MCF2L: variants seen among roughly 807,000 people sequenced by gnomAD.
MCF2L encodes the protein MCF.2 cell line derived transforming sequence like.
In MCF2L, 97 loss-of-function variants were observed where a neutral mutation model predicts 153.4. That is an observed-to-expected ratio of 0.63 (90% CI 0.54 to 0.75). The LOEUF is 0.75. Among genes scored for constraint, MCF2L ranks in the 30% least tolerant of loss-of-function variants. The pLI is 0.00. For missense variants in MCF2L, 1,347 were observed against 1,495.2 expected, an observed-to-expected ratio of 0.90 and a Z score of 1.64; for synonymous variants, 659 against 632.2, an observed-to-expected ratio of 1.04 and a Z score of -0.64.
chr13:113,094,872 TG>T, intron 27 of MCF2L: 1 of 1,119,332 alleles, frequency 8.9e-7, no homozygotes, highest in African/African-American at 1.6e-5. Flanking sequence ...TAACTCTCTC[TG>T]GAAGGTCCAC....
upstream of MCF2L, chr13:112,964,754 GA>G (rs1428060790): frequency 6.6e-6 from 1 of 152,164 alleles, no homozygotes; most frequent in African/African-American, 2.4e-5. Context: ...ACGTTTAAGT[GA>G]AAAATTTGTT....
chr13:112,969,565 C>T lies in MCF2L; in HGVS notation c.79+107C>T, dbSNP rs1191179845. On this transcript the variant is annotated intron_variant, in intron 1 of 29. Transcript: ENST00000535094. This position sits in a 1 kb window ranked among gnomAD's most constrained non-coding sequence, Gnocchi z 4.8. Reference sequence around the variant, plus strand: ...TTGTAAGCCGCCCTCGTGTTCCTTTCTAGCCGTGGTAGCTGTGACATGGGG... The same window carrying T: ...TTGTAAGCCGCCCTCGTGTTCCTTTTTAGCCGTGGTAGCTGTGACATGGGG... 4.0e-6 allele frequency: 6 copies of T among 1,510,190 alleles called. No individual in the cohort carries two copies. The Admixed American group carries it at 6.1e-5, about 15-fold the overall frequency. The allele number at this position is 1,510,190 out of a possible 1,614,324, so 93.5% of individuals were successfully genotyped here.
At position 112,995,181 on chromosome 13, in the gene MCF2L, G is replaced by A. The variant is rs186210445; in HGVS notation, c.80-19582G>A. On this transcript the variant is annotated intron_variant, in intron 1 of 29. Coordinates refer to ENST00000535094, the MANE Select transcript of MCF2L (RefSeq NM_001112732.3). Reference sequence around the variant, plus strand: ...TGTGCCCGTGCCCCGGGCTCCCCTCGTTTTACAGACTCGCTCACGGAGGCT... The same window carrying A: ...TGTGCCCGTGCCCCGGGCTCCCCTCATTTTACAGACTCGCTCACGGAGGCT... Among the ~76,000 whole-genome samples, 3 of 152,340 alleles carry A rather than the reference G, an allele frequency of 2.0e-5. No homozygotes were observed. In the East Asian group the frequency reaches 5.8e-4, roughly 29 times the overall value.
At chr13:112,922,530 TAAAAA>T (rs767874814) in intron 2 of MCF2L, among the ~76,000 whole-genome samples, 27 of 137,266 alleles carry the variant, frequency 2.0e-4, no homozygotes, top group Admixed American at 1.7e-3. Flanking sequence ...TCACAACACA[TAAAAA>T]AAAAAAAAAC....
Position 112,932,088 on chromosome 13 carries a change from C to T in MCF2L, c.169+29717C>T, listed in dbSNP as rs1032018877. ...CCCTACTTCCTGAGTGTGGGATGTG[C>T]GCAGCTATGTGGTTCCGAAGAGTTC... On this transcript the variant is annotated intron_variant, in intron 2 of 29. Transcript: ENST00000375608. The surrounding 1 kb of genome is among the most constrained non-coding windows in gnomAD (Gnocchi z 4.6). Among the ~76,000 whole-genome samples the T allele has an allele frequency of 6.6e-6, 1 of 152,096 alleles. No homozygotes were observed. The highest frequency in any genetic ancestry group is 1.5e-5 in the Non-Finnish European group (1 of 68,010).
rs59405248 is a variant in MCF2L at position 112,917,866 on chromosome 13, T to C, written c.169+15495T>C. On this transcript the variant is annotated intron_variant, in intron 2 of 29. Coordinates refer to the MCF2L transcript ENST00000375608. ...GCTGGCTTCTAGACCCTCTGGACTC[T>C]GACCTAGCCTCACCTGCCCACCCCC... Among the ~76,000 whole-genome samples, 793 of 152,326 alleles carry C rather than the reference T, an allele frequency of 5.2e-3. 7 individuals are homozygous for C. Among genetic ancestry groups the C allele is most frequent in the African/African-American group, 0.018 (731 of 41,558 alleles).
intron 1 of MCF2L, among the ~76,000 whole-genome samples, chr13:112,992,055 C>T (rs1198722052): frequency 6.6e-6 from 1 of 152,222 alleles, no homozygotes; most frequent in Non-Finnish European, 1.5e-5. Flanking sequence ...CATGACATCA[C>T]AGGTGGAAAA....
intron 17 of MCF2L, 92 bp downstream of exon 17, chr13:113,082,634 G>A (rs964462737): frequency 4.2e-6 from 4 of 951,256 alleles, no homozygotes; most frequent in Non-Finnish European, 6.6e-6. Flanking sequence ...GTGGAGGCCA[G>A]GCCATGCCTG....
chr13:112,968,295 T>TATTA (rs2081931907), upstream of MCF2L: 1 of 442,600 alleles, frequency 2.3e-6, no homozygotes, highest in Admixed American at 6.4e-5. Flanking sequence ...TTACCTATAA[T>TATTA]ACCAAACCAC....
chr13:112,927,922 A>G (rs566988674), intron 2 of MCF2L, among the ~76,000 whole-genome samples: 1 of 152,370 alleles, frequency 6.6e-6, no homozygotes, highest in African/African-American at 2.4e-5. Flanking sequence ...AATAGCAGCC[A>G]ATTGCAGGCT....
chr13:112,894,600 C>T (rs1239238872), intron 1 of MCF2L, among the ~76,000 whole-genome samples: 1 of 152,074 alleles, frequency 6.6e-6, no homozygotes, highest in Admixed American at 6.5e-5. Flanking sequence ...GTCAGGGCGG[C>T]CTGGGATCGG....
chr13:113,055,579 C>A (rs2087708655), intron 4 of MCF2L, among the ~76,000 whole-genome samples: 1 of 152,162 alleles, frequency 6.6e-6, no homozygotes, highest in Non-Finnish European at 1.5e-5. Context: ...ATAGTGGTGT[C>A]CAATTTCACA....
At chr13:113,010,054 G>A (rs1029549138) in intron 1 of MCF2L, 1 of 152,304 alleles carries the variant, frequency 6.6e-6, no homozygotes, top group Non-Finnish European at 1.5e-5. Flanking sequence ...GCTGCACCTG[G>A]GCCTCTTCCT....
chr13:112,934,347 T>G (rs567179145), intron 2 of MCF2L, among the ~76,000 whole-genome samples: 3 of 152,234 alleles, frequency 2.0e-5, no homozygotes, highest in Admixed American at 2.0e-4. Flanking sequence ...GCCAGGCATG[T>G]GGTCTGCACA....
intron 2 of MCF2L, among the ~76,000 whole-genome samples, chr13:112,919,353 C>T (rs952970183): frequency 2.0e-5 from 3 of 150,986 alleles, no homozygotes; most frequent in Admixed American, 1.3e-4. Context: ...CTACAGGCGC[C>T]CGCCACTACG....
chr13:113,087,179 G>A lies in MCF2L; in HGVS notation c.2374-56G>A, dbSNP rs1033682265. The A allele has an allele frequency of 1.0e-5, 15 of 1,465,056 alleles. No homozygotes were observed. In the Admixed American group the frequency reaches 1.1e-4, roughly 11 times the overall value. The allele number at this position is 1,465,056 out of a possible 1,614,324, so 90.8% of individuals were successfully genotyped here. A position where few individuals can be genotyped will look rare whatever the true frequency, so the allele number is the denominator to read the frequency against. On this transcript the variant is annotated intron_variant, in intron 21 of 29. Transcript: ENST00000535094. ...TGGCTGCTTTCACTCAGCGATGCGC[G>A]TCCATGGCCCCAGGCCCATCCCGTC...
chr13:112,968,061 A>C, upstream of MCF2L: 1 of 209,294 alleles, frequency 4.8e-6, no homozygotes, highest in South Asian at 5.8e-5. Context: ...TGAATTCCCA[A>C]ACCATTCGTG....
intron 2 of MCF2L, among the ~76,000 whole-genome samples, chr13:112,933,807 G>A (rs545811415): frequency 2.6e-5 from 4 of 152,306 alleles, no homozygotes; most frequent in African/African-American, 7.2e-5. Context: ...TGTCCCTGAC[G>A]GCTCTGCCCT....
intron 2 of MCF2L, among the ~76,000 whole-genome samples, chr13:112,942,895 G>T (rs1200530942): frequency 7.9e-5 from 12 of 152,196 alleles, no homozygotes; most frequent in Non-Finnish European, 5.9e-5. Flanking sequence ...TGCCAGCAGA[G>T]GGTGCTGTTG....
Sources: allele counts gnomAD v4.1 joint callset (sites outside exome capture counted in the v4.1 genomes callset), GRCh38; gene constraint gnomAD v4.1.1; non-coding constraint Gnocchi (gnomAD v3.1); transcripts MANE v1.5; gene names NCBI Gene and HGNC (gene_info 2026-07-23, HGNC 2026-07-21).